Variants in C1orf21 observed in about 807,000 individuals in gnomAD.
C1orf21 encodes the protein uncharacterized protein C1orf21.
A neutral mutation model predicts 18.7 loss-of-function variants in C1orf21; 3 were observed. The observed-to-expected ratio is 0.16, with a 90% CI of 0.07 to 0.42. The LOEUF is 0.42. C1orf21 is among the 10% of genes least tolerant of loss of function. The pLI is 0.99. For synonymous variants in C1orf21, 41 were observed against 46.4 expected, an observed-to-expected ratio of 0.88 and a Z score of 0.47; for missense variants, 104 against 143.6, an observed-to-expected ratio of 0.72 and a Z score of 1.41.
At chr1:184,397,392 C>T (rs1419931208) in intron 1 of C1orf21, among the ~76,000 whole-genome samples, 2 of 152,134 alleles carry the variant, frequency 1.3e-5, no homozygotes, top group Admixed American at 1.3e-4. Context: ...CAAGACCATC[C>T]TGGCTAACAC....
At chr1:184,619,336 A>G (rs1177679151) in intron 5 of C1orf21, among the ~76,000 whole-genome samples, 182 bp from the exon 6 acceptor site, 1 of 152,194 alleles carries the variant, frequency 6.6e-6, no homozygotes, top group Admixed American at 6.5e-5. Context: ...TGAAGTATAT[A>G]TAGCTTATAA....
intron 1 of C1orf21, among the ~76,000 whole-genome samples, chr1:184,422,489 T>C (rs946395625): frequency 6.6e-6 from 1 of 152,082 alleles, no homozygotes. Flanking sequence ...AACTGAGGTG[T>C]AGAAAGGGTA....
At chr1:184,436,548 A>G (rs1656861598) in intron 1 of C1orf21, among the ~76,000 whole-genome samples, 1 of 152,090 alleles carries the variant, frequency 6.6e-6, no homozygotes, top group Non-Finnish European at 1.5e-5. Context: ...CCCTTGACAT[A>G]GCAACATGCT....
intron 1 of C1orf21, among the ~76,000 whole-genome samples, chr1:184,416,688 G>A (rs1465303745): frequency 1.3e-5 from 2 of 152,100 alleles, no homozygotes; most frequent in Non-Finnish European, 2.9e-5. Context: ...TATTTGGCAG[G>A]GTTGTCTCTG....
intron 1 of C1orf21, among the ~76,000 whole-genome samples, chr1:184,468,037 A>G (rs1657430627): frequency 6.6e-6 from 1 of 152,108 alleles, no homozygotes; most frequent in Non-Finnish European, 1.5e-5. Context: ...AAACAGACAG[A>G]CAAAGAGAGA....
chr1:184,388,881 C>A (rs993622487), intron 1 of C1orf21, among the ~76,000 whole-genome samples: 13 of 152,062 alleles, frequency 8.5e-5, no homozygotes, highest in African/African-American at 3.1e-4. Context: ...GTTCAAGATG[C>A]TGAATTTGGA....
At chr1:184,516,264 A>G (rs1031914100) in intron 3 of C1orf21, among the ~76,000 whole-genome samples, 1 of 151,698 alleles carries the variant, frequency 6.6e-6, no homozygotes, top group African/African-American at 2.4e-5. Context: ...TTTCACAGTC[A>G]TCAATTCCTG....
In C1orf21 at chr1:184,564,580, C is replaced by T. The variant is rs144004790; in HGVS notation, c.190-26159C>T. 6.2e-3 allele frequency among the ~76,000 whole-genome samples: 948 copies of T among 152,286 alleles called. 13 individuals are homozygous for T. The highest frequency in any genetic ancestry group is 0.019 in the African/African-American group (796 of 41,548). ...TCAGCCTCCCAAAGTGCTGGGATTA[C>T]AGGTGTGAGCCACCACACCTGGCCT... On this transcript the variant is annotated intron_variant, in intron 3 of 5. Coordinates refer to ENST00000235307, the MANE Select transcript of C1orf21 (RefSeq NM_030806.4).
intron 1 of C1orf21, among the ~76,000 whole-genome samples, chr1:184,472,451 C>G (rs1457806216): frequency 6.6e-6 from 1 of 152,072 alleles, no homozygotes; most frequent in African/African-American, 2.4e-5. Context: ...CCTTTCTTGA[C>G]AGGGAATTTA....
At chr1:184,508,683 T>C (rs1400845955) in intron 3 of C1orf21, among the ~76,000 whole-genome samples, 1 of 152,156 alleles carries the variant, frequency 6.6e-6, no homozygotes, top group Non-Finnish European at 1.5e-5. Context: ...ATCTATAACT[T>C]GAAATACTGA....
chr1:184,541,572 A>C (rs2101977722), intron 3 of C1orf21, among the ~76,000 whole-genome samples: 1 of 152,328 alleles, frequency 6.6e-6, no homozygotes, highest in African/African-American at 2.4e-5. Flanking sequence ...CAGAAATGAC[A>C]GGGAGAAAAT....
chr1:184,450,179 T>G (rs922774933), intron 1 of C1orf21, among the ~76,000 whole-genome samples: 1 of 152,092 alleles, frequency 6.6e-6, no homozygotes, highest in African/African-American at 2.4e-5. Context: ...CATGAAGGGC[T>G]TGTTACTCAA....
Position 184,434,118 on chromosome 1 carries a change from T to C in C1orf21, c.-124-43268T>C, listed in dbSNP as rs1656817685. On this transcript the variant is annotated intron_variant, in intron 1 of 5. Coordinates refer to ENST00000235307, the MANE Select transcript of C1orf21 (RefSeq NM_030806.4). ...GTCCTTCACTAGACCATGAGCACTTTCATGACAGGGATGGTTTCCTATTTA... is the reference window on the plus strand; with the variant it reads ...GTCCTTCACTAGACCATGAGCACTTCCATGACAGGGATGGTTTCCTATTTA... Among the ~76,000 whole-genome samples, 4 of 152,170 alleles carry C rather than the reference T, an allele frequency of 2.6e-5. No homozygotes were observed. In the South Asian group the frequency reaches 8.3e-4, roughly 32 times the overall value.
chr1:184,544,508 TCAGAG>T (rs928300332), intron 3 of C1orf21, among the ~76,000 whole-genome samples: 4 of 152,224 alleles, frequency 2.6e-5, no homozygotes, highest in Non-Finnish European at 4.4e-5. Flanking sequence ...TTTGGGGAAA[TCAGAG>T]CCCTTGCTGT....
chr1:184,468,987 C>T (rs1044203329), intron 1 of C1orf21, among the ~76,000 whole-genome samples: 3 of 152,036 alleles, frequency 2.0e-5, no homozygotes, highest in Non-Finnish European at 4.4e-5. Flanking sequence ...GTAGTCCCAG[C>T]ACTTTGGGAG....
At chr1:184,449,316 T>C (rs1396024457) in intron 1 of C1orf21, among the ~76,000 whole-genome samples, 5 of 152,074 alleles carry the variant, frequency 3.3e-5, no homozygotes. Flanking sequence ...TTTTTGTCCT[T>C]GCGATAGTTT....
intron 5 of C1orf21, among the ~76,000 whole-genome samples, chr1:184,605,079 G>A (rs1659631529): frequency 1.3e-5 from 2 of 152,190 alleles, no homozygotes; most frequent in Admixed American, 1.3e-4. Context: ...CAAGTATTTG[G>A]ACAAGGAAAG....
At chr1:184,449,143 G>A (rs1463063987) in intron 1 of C1orf21, among the ~76,000 whole-genome samples, 1 of 152,024 alleles carries the variant, frequency 6.6e-6, no homozygotes, top group Non-Finnish European at 1.5e-5. Context: ...TTGGTGTGCT[G>A]CACCCATTAA....
rs898534739 is a variant in C1orf21, at chr1:184,516,390, G to C, written c.189+8708G>C. Among the ~76,000 whole-genome samples the C allele has an allele frequency of 5.7e-4, 86 of 152,208 alleles. 1 individual carries two copies. The highest frequency in any genetic ancestry group is 2.0e-4 in the Admixed American group (3 of 15,280). On this transcript the variant is annotated intron_variant, in intron 3 of 5. Coordinates refer to ENST00000235307, the MANE Select transcript of C1orf21 (RefSeq NM_030806.4). ...TGACTACATCCCCCGCACCTATGGA[G>C]CTTATGAGAGTTTCCTTACCTATCT...
Sources: gnomAD v4.1 joint callset for allele counts (sites outside exome capture counted in the v4.1 genomes callset) on GRCh38, gnomAD v4.1.1 for gene constraint, MANE v1.5 for transcripts, NCBI Gene and HGNC (gene_info 2026-07-23, HGNC 2026-07-21) for gene names.